AKAP12: variants seen among roughly 807,000 people sequenced by gnomAD.
AKAP12 encodes A-kinase anchor protein 12.
In AKAP12, 32 loss-of-function variants were observed where a neutral mutation model predicts 79.9. The ratio of observed to expected loss-of-function variants is 0.40; its 90% CI spans 0.30 to 0.54. The LOEUF (loss-of-function observed/expected upper bound fraction) is 0.54, where lower values mean the gene tolerates loss of function less well. Among genes scored for constraint, AKAP12 ranks in the 20% least tolerant of loss-of-function variants. AKAP12 has a pLI of 0.48. For missense variants in AKAP12, 2,074 were observed against 2,177.0 expected (o/e 0.95, Z 0.94); for synonymous variants, 808 against 857.0 (o/e 0.94, Z 1.00).
At chr6:151,329,594 C>T (rs1777617797) in intron 3 of AKAP12, among the ~76,000 whole-genome samples, 1 of 152,172 alleles carries the variant, frequency 6.6e-6, no homozygotes, top group Non-Finnish European at 1.5e-5. Context: ...ATTTATAATG[C>T]ACTTTCCGAT....
intron 2 of AKAP12, among the ~76,000 whole-genome samples, chr6:151,272,521 A>AGAT (rs1486768471): frequency 6.6e-6 from 1 of 151,794 alleles, no homozygotes; most frequent in Non-Finnish European, 1.5e-5. Context: ...ATAGATAGAT[A>AGAT]GATAGATAGA....
At chr6:151,319,549 T>G (rs1039351990) in intron 3 of AKAP12, 25 of 89,130 alleles carry the variant, frequency 2.8e-4, no homozygotes, top group African/African-American at 1.3e-3. Context: ...TAGATATAGA[T>G]ATATATATCT....
rs909215277 is a variant in AKAP12, at chr6:151,297,237, C to T, written c.163-8510C>T. Among the ~76,000 whole-genome samples the T allele has an allele frequency of 8.5e-4, 129 of 151,508 alleles. 1 individual carries two copies. The highest frequency in any genetic ancestry group is 2.2e-4 in the Non-Finnish European group (15 of 67,848). On this transcript the variant is annotated intron_variant, in intron 2 of 4. Coordinates refer to ENST00000402676, the MANE Select transcript of AKAP12 (RefSeq NM_005100.4). The stretch of plus-strand genomic sequence containing the variant: ...GTGTTGTGGGGGCAGGATCACTTGC[C>T]CTCGCAACCTGAGGATCTGAACCAA...
chr6:151,268,418 AAAAC>A (rs1192671809), intron 2 of AKAP12, among the ~76,000 whole-genome samples: 35 of 152,296 alleles, frequency 2.3e-4, no homozygotes, highest in African/African-American at 6.5e-4. Context: ...ACTCCGTCTC[AAAAC>A]AAACAAACAA....
At chr6:151,280,078 G>A (rs933002521) in intron 2 of AKAP12, among the ~76,000 whole-genome samples, 13 of 149,622 alleles carry the variant, frequency 8.7e-5, no homozygotes, top group Non-Finnish European at 1.2e-4. Flanking sequence ...ATACTGTTGC[G>A]TAACTTGCCT....
At chr6:151,325,697 G>A (rs979345754) in intron 3 of AKAP12, 2 of 1,453,924 alleles carry the variant, frequency 1.4e-6, no homozygotes, top group African/African-American at 1.4e-5. Context: ...CGGCAGCTCC[G>A]AGGGCACCTC....
At chr6:151,275,879 G>A (rs1043486091) in intron 2 of AKAP12, among the ~76,000 whole-genome samples, 6 of 152,228 alleles carry the variant, frequency 3.9e-5, no homozygotes, top group Admixed American at 6.5e-5. Flanking sequence ...TTATGCTGAT[G>A]AAATCAATTG....
chr6:151,348,264 G>T (rs1778161809), intron 3 of AKAP12: 1 of 426,336 alleles, frequency 2.3e-6, no homozygotes, highest in African/African-American at 2.1e-5. Flanking sequence ...GACAGAGGTT[G>T]CAGTGAACCG....
chr6:151,354,202 A>G (rs574284565), intron 4 of AKAP12, among the ~76,000 whole-genome samples: 1 of 151,900 alleles, frequency 6.6e-6, no homozygotes, highest in South Asian at 2.1e-4. Context: ...GGCTAATATT[A>G]AACTGCCTGA....
At chr6:151,245,457 A>G (rs777350989) in intron 2 of AKAP12, among the ~76,000 whole-genome samples, 14 of 151,760 alleles carry the variant, frequency 9.2e-5, no homozygotes, top group Non-Finnish European at 1.8e-4. Context: ...CACCACGCCC[A>G]GCTAAGTTTC....
intron 2 of AKAP12, among the ~76,000 whole-genome samples, chr6:151,299,457 A>G (rs1437767376): frequency 6.6e-6 from 1 of 152,198 alleles, no homozygotes; most frequent in Non-Finnish European, 1.5e-5. Flanking sequence ...AGAGGTAACC[A>G]TTATTAAAGA....
chr6:151,349,242 C>A lies in AKAP12; in HGVS notation c.851C>A (p.Pro284Gln). The A allele has an allele frequency of 6.2e-7, 1 of 1,613,572 alleles. No individual in the cohort carries two copies. The highest frequency in any genetic ancestry group is 1.3e-5 in the African/African-American group (1 of 74,914). Residue 284 changes from proline (P) to glutamine (Q), a missense_variant, in exon 4 of 5, where the codon CCG (proline) becomes CAG (glutamine). Coordinates refer to ENST00000402676, the MANE Select transcript of AKAP12 (RefSeq NM_005100.4). Reference protein sequence around the residue: ...EKEPSKSAESPTSPVTSETGS... With the variant: ...EKEPSKSAESQTSPVTSETGS... ...GAACCTAGCAAGTCTGCAGAATCTCCGACTAGTCCCGTGACCAGTGAAACA... is the reference window on the plus strand; with the variant it reads ...GAACCTAGCAAGTCTGCAGAATCTCAGACTAGTCCCGTGACCAGTGAAACA...
chr6:151,273,758 A>G (rs2499894), intron 2 of AKAP12, among the ~76,000 whole-genome samples: 112,965 of 151,784 alleles, frequency 0.74, 43,341 homozygotes, highest in East Asian at 0.92. Flanking sequence ...AGTTGGGCGC[A>G]GTGGCTCACG....
chr6:151,355,166 T>G (rs977528661), intron 4 of AKAP12, among the ~76,000 whole-genome samples: 1 of 151,098 alleles, frequency 6.6e-6, no homozygotes, highest in Non-Finnish European at 1.5e-5. Context: ...CCAGCTTAGT[T>G]TTGTATTTTT....
intron 3 of AKAP12, among the ~76,000 whole-genome samples, chr6:151,307,095 G>A (rs1776992330): frequency 6.6e-6 from 1 of 152,244 alleles, no homozygotes; most frequent in Admixed American, 6.5e-5. Flanking sequence ...CTTGAGGTGA[G>A]AGGGGAGATT....
chr6:151,287,452 G>T (rs373510149), intron 2 of AKAP12, among the ~76,000 whole-genome samples: 6 of 152,146 alleles, frequency 3.9e-5, no homozygotes, highest in East Asian at 1.9e-4. Flanking sequence ...GTAGAGTTGG[G>T]ATTTCACCAT....
Position 151,240,652 on chromosome 6 carries a change from C to T in AKAP12, c.90C>T (p.Gly30=). ...STPAEPEPSG[G]GPSAEAAPDT... Reference sequence around the variant, plus strand: ...CGGCTGAGCCCGAGCCCAGCGGCGGCGGCCCCTCGGCCGAGGCGGCGCCAG... The same window carrying T: ...CGGCTGAGCCCGAGCCCAGCGGCGGTGGCCCCTCGGCCGAGGCGGCGCCAG... The change falls in exon 2 of 5, where the codon GGC becomes GGT. Residue 30 remains glycine, a synonymous_variant. Transcript: ENST00000402676. 1.5e-6 allele frequency: 2 copies of T among 1,320,560 alleles called. No individual in the cohort carries two copies. Among genetic ancestry groups the T allele is most frequent in the African/African-American group, 3.1e-5 (2 of 64,912 alleles). The allele number at this position is 1,320,560 out of a possible 1,614,324, so 81.8% of individuals were successfully genotyped here. A position where few individuals can be genotyped will look rare whatever the true frequency, so the allele number is the denominator to read the frequency against.
intron 3 of AKAP12, among the ~76,000 whole-genome samples, chr6:151,322,619 G>GT (rs1777423707): frequency 1.3e-5 from 2 of 150,312 alleles, no homozygotes; most frequent in Admixed American, 1.3e-4. Context: ...CAGGTAGGGA[G>GT]TGTCCCCTCA....
intron 3 of AKAP12, among the ~76,000 whole-genome samples, chr6:151,308,291 C>T (rs1403705145): frequency 6.6e-6 from 1 of 152,098 alleles, no homozygotes; most frequent in African/African-American, 2.4e-5. Flanking sequence ...CGGCTCACTG[C>T]AACCTCTGTC....
Sources: gnomAD v4.1 joint callset for allele counts (sites outside exome capture counted in the v4.1 genomes callset) on GRCh38, gnomAD v4.1.1 for gene constraint, MANE v1.5 for transcripts, NCBI Gene and HGNC (gene_info 2026-07-23, HGNC 2026-07-21) for gene names.